The following ELSPBP1 variants were observed in gnomAD, a reference collection of about 807,000 sequenced individuals.
The protein encoded by ELSPBP1 is epididymal sperm binding protein 1.
A neutral mutation model predicts 33.3 loss-of-function variants in ELSPBP1; 38 were observed. That is an observed-to-expected ratio of 1.14 (90% CI 0.88 to 1.50). The LOEUF is 1.50. Ranked by LOEUF, ELSPBP1 falls within the 40% of genes most tolerant of loss-of-function variation. ELSPBP1 has a pLI of 0.00. For missense variants in ELSPBP1, 267 were observed against 263.5 expected (o/e 1.01, Z -0.09); for synonymous variants, 85 against 94.1 (o/e 0.90, Z 0.56).
At position 48,014,271 on chromosome 19, in the gene ELSPBP1, C is replaced by G. The variant is rs147073337; in HGVS notation, c.171C>G (p.Ala57=). The change falls in exon 3 of 7, where the codon GCC becomes GCG. Residue 57 remains alanine, a synonymous_variant. Coordinates refer to ENST00000339841, the MANE Select transcript of ELSPBP1 (RefSeq NM_022142.5). ...TATCCCCTTGGTGTGCCACCAGAGCCGTGTACAACGGCCAGTGGAAGTACT... is the reference window on the plus strand; with the variant it reads ...TATCCCCTTGGTGTGCCACCAGAGCGGTGTACAACGGCCAGTGGAAGTACT... The part of the protein sequence containing the change: ...HSLSPWCATR[A]VYNGQWKYCQ... 3,590 of 1,613,980 alleles carry G rather than the reference C, an allele frequency of 2.2e-3. 5 individuals are homozygous for G. Among genetic ancestry groups the G allele is most frequent in the Non-Finnish European group, 2.8e-3 (3,345 of 1,179,954 alleles).
At chr19:48,023,512 GAAAT>G (rs1446174935) in intron 6 of ELSPBP1, among the ~76,000 whole-genome samples, 18 of 88,478 alleles carry the variant, frequency 2.0e-4, no homozygotes, top group Admixed American at 7.0e-4. Flanking sequence ...AAAGAGGAAG[GAAAT>G]AAGGAAGGAA....
chr19:48,012,182 G>T (rs1017286755), intron 2 of ELSPBP1, among the ~76,000 whole-genome samples: 12 of 152,162 alleles, frequency 7.9e-5, no homozygotes, highest in African/African-American at 2.9e-4. Context: ...CTGGAGTACA[G>T]TGGTGCAATC....
chr19:48,025,006 A>G lies in ELSPBP1; in HGVS notation c.*62A>G, dbSNP rs1256598413. ...GCCGCCATACTGAGGCTGAGCACAG[A>G]TTTGTCTTTTTCATTGCATCTGTCA... On this transcript the variant is annotated 3_prime_UTR_variant, in exon 7 of 7. Coordinates refer to ENST00000339841, the MANE Select transcript of ELSPBP1 (RefSeq NM_022142.5). 4 of 152,280 alleles carry G rather than the reference A, an allele frequency of 2.6e-5. No individual in the cohort carries two copies. Among genetic ancestry groups the G allele is most frequent in the Middle Eastern group, 3.4e-3 (1 of 294 alleles). 9.4% of individuals were successfully genotyped at this position (152,280 alleles called of 1,614,324 possible).
At chr19:48,012,671 A>G (rs1315756266) in intron 2 of ELSPBP1, among the ~76,000 whole-genome samples, 1 of 152,200 alleles carries the variant, frequency 6.6e-6, no homozygotes, top group Non-Finnish European at 1.5e-5. Flanking sequence ...TGCACAAAAA[A>G]CAAAGTTCCT....
At chr19:48,002,722 G>T (rs1966979702) in intron 1 of ELSPBP1, among the ~76,000 whole-genome samples, 1 of 152,358 alleles carries the variant, frequency 6.6e-6, no homozygotes, top group South Asian at 2.1e-4. Flanking sequence ...AACCGGGGAG[G>T]CGGAGGTTGC....
chr19:48,006,028 A>G (rs1967013982), intron 1 of ELSPBP1, among the ~76,000 whole-genome samples: 1 of 152,084 alleles, frequency 6.6e-6, no homozygotes. Context: ...TGGTGCGATC[A>G]TAGTGCACTG....
At position 47,999,329 on chromosome 19, in the gene ELSPBP1, T is replaced by C. The variant is rs185524721; in HGVS notation, c.-18+4518T>C. Among the ~76,000 whole-genome samples the C allele has an allele frequency of 1.3e-4, 20 of 151,758 alleles. 1 individual carries two copies. The South Asian group carries it at 1.5e-3, about 11-fold the overall frequency. ...CAAGCACATTCACAATGTTGCACCA[T>C]CATCACCATTATCTATTTCCAGGAA... On this transcript the variant is annotated intron_variant, in intron 1 of 6. Transcript: ENST00000339841.
At chr19:47,996,844 C>A (rs1966916644) in intron 1 of ELSPBP1, among the ~76,000 whole-genome samples, 4 of 152,066 alleles carry the variant, frequency 2.6e-5, no homozygotes, top group Admixed American at 2.6e-4. Flanking sequence ...AAAATGTTTG[C>A]TTAATTAATT....
At chr19:48,015,616 C>A (rs960057226) in intron 3 of ELSPBP1, among the ~76,000 whole-genome samples, 14 of 152,090 alleles carry the variant, frequency 9.2e-5, no homozygotes, top group Non-Finnish European at 1.5e-4. Context: ...CAAGATCTCG[C>A]TATTGCACTC....
intron 1 of ELSPBP1, among the ~76,000 whole-genome samples, chr19:47,996,976 T>C (rs1966917795): frequency 6.6e-6 from 1 of 152,206 alleles, no homozygotes; most frequent in Non-Finnish European, 1.5e-5. Context: ...TTTGTATCTT[T>C]CATCTAATTC....
At chr19:48,010,456 C>G (rs12973249) in intron 2 of ELSPBP1, among the ~76,000 whole-genome samples, 16,001 of 152,116 alleles carry the variant, frequency 0.11, 1,006 homozygotes, top group South Asian at 0.2. Context: ...GTGTTATGGA[C>G]CAGAAGTGCA....
rs112170346 is a variant in ELSPBP1 at position 47,994,775 on chromosome 19, G to A, written c.-54G>A. The A allele has an allele frequency of 3.3e-5, 5 of 152,178 alleles. No individual in the cohort carries two copies. Among genetic ancestry groups the A allele is most frequent in the Admixed American group, 1.3e-4 (2 of 15,278 alleles). The allele number at this position is 152,178 out of a possible 1,614,324, so 9.4% of individuals were successfully genotyped here. A position where few individuals can be genotyped will look rare whatever the true frequency, so the allele number is the denominator to read the frequency against. On this transcript the variant is annotated 5_prime_UTR_variant, in exon 1 of 7. The change creates a new upstream start codon in the 5' untranslated region. Coordinates refer to ENST00000339841, the MANE Select transcript of ELSPBP1 (RefSeq NM_022142.5). ...GGGAGCAGAACCTTAAAGAGAGATC[G>A]TGGAGAGAGCCAGGGCCCAGAAGAA...
intron 2 of ELSPBP1, 147 bp from the exon 3 acceptor site, chr19:48,014,024 G>A (rs1476156411): frequency 2.2e-6 from 2 of 898,086 alleles, no homozygotes; most frequent in Non-Finnish European, 3.5e-6. Context: ...ATGACCGTGG[G>A]GGTTAGGATT....
intron 1 of ELSPBP1, among the ~76,000 whole-genome samples, chr19:48,000,345 A>G (rs1402633864): frequency 6.6e-6 from 1 of 151,514 alleles, no homozygotes; most frequent in Non-Finnish European, 1.5e-5. Flanking sequence ...GGTTCAAGCA[A>G]TTCTCCTGCC....
chr19:48,021,976 G>C (rs1357562472), intron 5 of ELSPBP1, among the ~76,000 whole-genome samples, 194 bp from the exon 6 acceptor site: 1 of 152,104 alleles, frequency 6.6e-6, no homozygotes, highest in Non-Finnish European at 1.5e-5. Flanking sequence ...TGAACTCCTG[G>C]CTTCACATGA....
Position 48,011,243 on chromosome 19 carries a change from TGAC to T in ELSPBP1, c.70+2507_70+2509del, listed in dbSNP as rs916189116. Among the ~76,000 whole-genome samples the T allele has an allele frequency of 4.0e-4, 60 of 149,682 alleles. No homozygotes were observed. Among genetic ancestry groups the T allele is most frequent in the African/African-American group, 1.4e-3 (57 of 40,550 alleles). ...ACAATAATGGGGTTGATGATGATGATGACAATGATTGATAATGATGATGACAAT... is the reference window on the plus strand; with the variant it reads ...ACAATAATGGGGTTGATGATGATGATAATGATTGATAATGATGATGACAAT... On this transcript the variant is annotated intron_variant, in intron 2 of 6. Transcript: ENST00000339841. The surrounding 1 kb of genome is among the most constrained non-coding windows in gnomAD (Gnocchi z 4.5).
intron 2 of ELSPBP1, among the ~76,000 whole-genome samples, chr19:48,013,414 T>A (rs553189348): frequency 6.6e-6 from 1 of 152,088 alleles, no homozygotes; most frequent in East Asian, 1.9e-4. Context: ...TCCATTTGGG[T>A]TGCCATAACA....
intron 1 of ELSPBP1, among the ~76,000 whole-genome samples, chr19:48,007,398 C>G (rs1470422753): frequency 6.6e-6 from 1 of 152,116 alleles, no homozygotes; most frequent in East Asian, 1.9e-4. Flanking sequence ...TGGAGATGAT[C>G]ATGCCTGCCC....
chr19:48,010,622 C>T (rs1211986658), intron 2 of ELSPBP1, among the ~76,000 whole-genome samples: 2 of 152,296 alleles, frequency 1.3e-5, no homozygotes, highest in African/African-American at 2.4e-5. Context: ...TTGACCCAGA[C>T]TGAGCCAAGT....
Sources: allele counts gnomAD v4.1 joint callset (sites outside exome capture counted in the v4.1 genomes callset), GRCh38; gene constraint gnomAD v4.1.1; non-coding constraint Gnocchi (gnomAD v3.1); transcripts MANE v1.5; gene names NCBI Gene and HGNC (gene_info 2026-07-23, HGNC 2026-07-21).